SYNJ1: variants seen among roughly 807,000 people sequenced by gnomAD.
SYNJ1 encodes the protein synaptojanin 1.
SYNJ1 carries 78 observed loss-of-function variants against 168.2 expected under a neutral mutation model. The ratio of observed to expected loss-of-function variants is 0.46; its 90% CI spans 0.39 to 0.56. The LOEUF (loss-of-function observed/expected upper bound fraction) is 0.56, where lower values mean the gene tolerates loss of function less well. Among genes scored for constraint, SYNJ1 ranks in the 20% least tolerant of loss-of-function variants. The pLI is 0.00. For missense variants in SYNJ1, 1,303 were observed against 1,597.6 expected (o/e 0.82, Z 3.14); for synonymous variants, 539 against 548.6 (o/e 0.98, Z 0.24).
chr21:32,723,398 G>A (rs1011803740), intron 2 of SYNJ1, among the ~76,000 whole-genome samples: 1 of 152,212 alleles, frequency 6.6e-6, no homozygotes, highest in Non-Finnish European at 1.5e-5. Flanking sequence ...AGGGCAAGTA[G>A]AGACTTGAAA....
intron 18 of SYNJ1, among the ~76,000 whole-genome samples, chr21:32,663,112 T>G (rs538824925): frequency 6.6e-6 from 1 of 152,270 alleles, no homozygotes; most frequent in East Asian, 1.9e-4. Flanking sequence ...TGCTTCACAT[T>G]ATGTATGTGG....
intron 4 of SYNJ1, among the ~76,000 whole-genome samples, chr21:32,696,693 T>G (rs886412896): frequency 6.6e-6 from 1 of 152,134 alleles, no homozygotes; most frequent in African/African-American, 2.4e-5. Flanking sequence ...TGTAATAGCA[T>G]TATCTTGAAG....
intron 31 of SYNJ1, among the ~76,000 whole-genome samples, chr21:32,637,351 T>C (rs2039616221): frequency 6.6e-6 from 1 of 151,978 alleles, no homozygotes; most frequent in Admixed American, 6.5e-5. Context: ...AAATCATTAT[T>C]TGAAAGAGTT....
intron 18 of SYNJ1, 113 bp downstream of exon 18, chr21:32,664,800 T>A: frequency 1.2e-6 from 1 of 829,474 alleles, no homozygotes; most frequent in Non-Finnish European, 1.8e-6. Context: ...TACCTACAGA[T>A]GCATATTTAA....
At chr21:32,678,602 C>A in intron 12 of SYNJ1, 43 bp downstream of exon 12, 1 of 1,518,456 alleles carries the variant, frequency 6.6e-7, no homozygotes, top group South Asian at 1.3e-5. Context: ...CCTCTTGGAC[C>A]TTTAGGAATA....
At chr21:32,712,089 T>C (rs2042849598) in intron 2 of SYNJ1, among the ~76,000 whole-genome samples, 1 of 152,240 alleles carries the variant, frequency 6.6e-6, no homozygotes, top group African/African-American at 2.4e-5. Context: ...GGTCAAACCT[T>C]GCAGTCTGAG....
chr21:32,700,332 C>T (rs571881856), intron 3 of SYNJ1, among the ~76,000 whole-genome samples: 1 of 152,188 alleles, frequency 6.6e-6, no homozygotes, highest in African/African-American at 2.4e-5. Context: ...GAAATTGTTC[C>T]TGAACTTATT....
intron 2 of SYNJ1, among the ~76,000 whole-genome samples, chr21:32,725,302 T>A (rs572020609): frequency 2.6e-5 from 4 of 152,148 alleles, no homozygotes; most frequent in Non-Finnish European, 5.9e-5. Flanking sequence ...CCCCACAATA[T>A]TTTAATTCAG....
upstream of SYNJ1, chr21:32,728,076 C>A (rs2122964311): frequency 2.7e-5 from 41 of 1,520,072 alleles, no homozygotes; most frequent in African/African-American, 1.7e-4. Context: ...CCGCCCCGCG[C>A]GAGGGAAGGG....
At chr21:32,705,133 G>A (rs1475043691) in intron 2 of SYNJ1, among the ~76,000 whole-genome samples, 1 of 148,668 alleles carries the variant, frequency 6.7e-6, no homozygotes, top group Admixed American at 6.7e-5. Context: ...TGGTGACAGA[G>A]TGAGACTCTG....
At chr21:32,720,143 G>A (rs919989165) in intron 2 of SYNJ1, among the ~76,000 whole-genome samples, 14 of 152,156 alleles carry the variant, frequency 9.2e-5, no homozygotes, top group Admixed American at 2.6e-4. Context: ...GGAGGCTGAG[G>A]CAGGAGAACT....
At chr21:32,727,732 C>T in intron 1 of SYNJ1, 1 of 1,087,016 alleles carries the variant, frequency 9.2e-7, no homozygotes, top group East Asian at 3.1e-5. Flanking sequence ...CTGACAGCCG[C>T]TGTCACCACA....
In SYNJ1 at chr21:32,714,392, G is replaced by A. The variant is rs115970322; in HGVS notation, c.125-12345C>T. On this transcript the variant is annotated intron_variant, in intron 2 of 32. Transcript: ENST00000674351. ...TTTTTTAAAAGACTGGGGTGTAGGC[G>A]TGGTAAGTAGAAGCAGAGGGACCAG... Among the ~76,000 whole-genome samples the A allele has an allele frequency of 1.2e-3, 182 of 152,252 alleles. 1 individual carries two copies. Among genetic ancestry groups the A allele is most frequent in the African/African-American group, 4.2e-3 (174 of 41,538 alleles).
Position 32,629,704 on chromosome 21 carries a change from A to C in SYNJ1, c.*2101T>G, listed in dbSNP as rs2039247489. 1 of 152,340 alleles carries C rather than the reference A, an allele frequency of 6.6e-6. No homozygotes were observed. Among genetic ancestry groups the C allele is most frequent in the Non-Finnish European group, 1.5e-5 (1 of 68,038 alleles). The allele number at this position is 152,340 out of a possible 1,614,324, so 9.4% of individuals were successfully genotyped here. On this transcript the variant is annotated 3_prime_UTR_variant, in exon 33 of 33. Coordinates refer to ENST00000674351, the MANE Select transcript of SYNJ1 (RefSeq NM_203446.3). ...GATTGTAACTGAAACTGACAAAGAA[A>C]CAACTATTGCTCAAGGAGTTTTCTG... is the stretch of plus-strand genomic sequence containing the variant.
chr21:32,673,544 A>C lies in SYNJ1; in HGVS notation c.1535-13T>G. On this transcript the variant is annotated splice_polypyrimidine_tract_variant and intron_variant, in intron 13 of 32. Coordinates refer to ENST00000674351, the MANE Select transcript of SYNJ1 (RefSeq NM_203446.3). ...ACTTTAGAAGATGCTAATCAAGAGA[A>C]GACACAATAGAATTTTAGCTGCATC... is the stretch of plus-strand genomic sequence containing the variant. The C allele has an allele frequency of 6.4e-7, 1 of 1,574,230 alleles. No individual in the cohort carries two copies.
chr21:32,676,503 A>G, intron 12 of SYNJ1, 148 bp from the exon 13 acceptor site: 2 of 643,952 alleles, frequency 3.1e-6, no homozygotes, highest in East Asian at 5.9e-5. Flanking sequence ...TAGAACACCA[A>G]GTGTTACAAA....
chr21:32,633,374 G>A lies in SYNJ1; in HGVS notation c.*3+1487C>T, dbSNP rs564083295. ...AGGGACTGAGCAAAGACAAATGATC[G>A]GATGAAGGAAAAGAACTATGATTCT... On this transcript the variant is annotated intron_variant, in intron 32 of 32. Transcript: ENST00000674351. Among the ~76,000 whole-genome samples, 19 of 152,180 alleles carry A rather than the reference G, an allele frequency of 1.2e-4. No homozygotes were observed. The South Asian group carries it at 2.3e-3, about 18-fold the overall frequency.
At chr21:32,697,931 G>T (rs1431272079) in intron 4 of SYNJ1, among the ~76,000 whole-genome samples, 3 of 152,158 alleles carry the variant, frequency 2.0e-5, no homozygotes, top group Non-Finnish European at 4.4e-5. Context: ...GGGTAAAAAT[G>T]AGGAGGGAAA....
At chr21:32,695,441 T>C (rs993860141) in intron 4 of SYNJ1, among the ~76,000 whole-genome samples, 159 bp from the exon 5 acceptor site, 14 of 152,118 alleles carry the variant, frequency 9.2e-5, no homozygotes, top group African/African-American at 3.4e-4. Context: ...GATCAGAAGA[T>C]AGGGCTATAA....
Sources: allele counts gnomAD v4.1 joint callset (sites outside exome capture counted in the v4.1 genomes callset), GRCh38; gene constraint gnomAD v4.1.1; transcripts MANE v1.5; gene names NCBI Gene and HGNC (gene_info 2026-07-23, HGNC 2026-07-21).